Variants in NEBL observed in about 807,000 individuals in gnomAD.
NEBL encodes nebulette.
In NEBL, 122 loss-of-function variants were observed where a neutral mutation model predicts 140.2. The ratio of observed to expected loss-of-function variants is 0.87; its 90% confidence interval spans 0.75 to 1.01. The LOEUF is 1.01. Among genes scored for constraint, NEBL ranks in the 50% least tolerant of loss-of-function variants. The pLI, the probability that NEBL is intolerant of heterozygous loss-of-function variation, is 0.00. For synonymous variants in NEBL, 436 were observed against 398.9 expected, an observed-to-expected ratio of 1.09 and a Z score of -1.11; for missense variants, 1,365 against 1,231.3, an observed-to-expected ratio of 1.11 and a Z score of -1.62.
At chr10:21,259,065 C>T (rs1358515937) in intron 1 of NEBL, among the ~76,000 whole-genome samples, 3 of 147,922 alleles carry the variant, frequency 2.0e-5, no homozygotes, top group Non-Finnish European at 3.0e-5. Context: ...AAAAAAGACG[C>T]ACAGTCTTTT....
intron 2 of NEBL, among the ~76,000 whole-genome samples, chr10:21,144,021 A>G (rs995892455): frequency 3.3e-5 from 5 of 152,252 alleles, no homozygotes; most frequent in African/African-American, 1.2e-4. Context: ...CAAGGAGAGA[A>G]GGATTTTTGC....
intron 20 of NEBL, 83 bp downstream of exon 20, chr10:20,819,341 G>C (rs1839045474): frequency 6.3e-7 from 1 of 1,591,968 alleles, no homozygotes. Context: ...GTTTGCTAAG[G>C]ATAATGGCCT....
chr10:20,947,070 T>C (rs549147003), intron 4 of NEBL, among the ~76,000 whole-genome samples: 1 of 152,192 alleles, frequency 6.6e-6, no homozygotes, highest in Non-Finnish European at 1.5e-5. Flanking sequence ...GCTGATGATA[T>C]CTGAAGGATT....
intron 3 of NEBL, among the ~76,000 whole-genome samples, chr10:21,238,204 T>C (rs1281746610): frequency 2.6e-5 from 4 of 152,102 alleles, no homozygotes; most frequent in African/African-American, 7.2e-5. Context: ...TCAACAACAG[T>C]TGGGAGAAAG....
intron 26 of NEBL, chr10:20,804,432 TC>T (rs1837423002): frequency 2.0e-5 from 3 of 152,172 alleles, no homozygotes; most frequent in African/African-American, 7.2e-5. Flanking sequence ...ACACAAAGGT[TC>T]ACATGACTAA....
intron 2 of NEBL, among the ~76,000 whole-genome samples, chr10:21,072,317 C>A (rs1274366468): frequency 6.6e-6 from 1 of 152,118 alleles, no homozygotes; most frequent in Non-Finnish European, 1.5e-5. Flanking sequence ...GGATTTAGGG[C>A]CCACCCAAAG....
At chr10:21,056,920 A>T (rs1006012495) in intron 2 of NEBL, among the ~76,000 whole-genome samples, 16 of 152,194 alleles carry the variant, frequency 1.1e-4, no homozygotes, top group African/African-American at 3.9e-4. Flanking sequence ...TTAAGCTCGG[A>T]GTCAAAGACA....
chr10:20,819,311 G>C, intron 20 of NEBL, 113 bp downstream of exon 20: 3 of 1,508,324 alleles, frequency 2.0e-6, no homozygotes, highest in Non-Finnish European at 1.8e-6. Context: ...TGCAGTATTT[G>C]GTTTTACGTT....
At chr10:21,145,885 C>T (rs958435898) in intron 2 of NEBL, among the ~76,000 whole-genome samples, 5 of 152,166 alleles carry the variant, frequency 3.3e-5, no homozygotes, top group Non-Finnish European at 5.9e-5. Flanking sequence ...CAGCAAAGCC[C>T]TCCATTAGGT....
At position 21,087,030 on chromosome 10, in the gene NEBL, C is replaced by T. The variant is rs74898268; in HGVS notation, c.165-66829G>A. ...CCAAGGGATGTCTCTTAACCTACCA[C>T]CCTCCCTCACCAAGAATTTGCCTCT... is the stretch of plus-strand genomic sequence containing the variant. On this transcript the variant is annotated intron_variant, in intron 2 of 6. Transcript: ENST00000417816. 4.6e-3 allele frequency among the ~76,000 whole-genome samples: 702 copies of T among 152,270 alleles called. 19 individuals are homozygous for T. Among genetic ancestry groups the T allele is most frequent in the East Asian group, 0.013 (66 of 5,178 alleles).
chr10:21,138,675 C>A (rs1331641085), intron 2 of NEBL, among the ~76,000 whole-genome samples: 1 of 152,100 alleles, frequency 6.6e-6, no homozygotes, highest in East Asian at 1.9e-4. Flanking sequence ...CTCATGACAA[C>A]CCTGCAAGGT....
chr10:20,845,759 C>A (rs1208605351), intron 11 of NEBL, among the ~76,000 whole-genome samples: 1 of 152,140 alleles, frequency 6.6e-6, no homozygotes, highest in Non-Finnish European at 1.5e-5. Flanking sequence ...GCCATTCAAA[C>A]CACCTTCAAA....
intron 2 of NEBL, among the ~76,000 whole-genome samples, chr10:21,144,994 G>A (rs1839827181): frequency 1.3e-5 from 2 of 148,198 alleles, no homozygotes; most frequent in Admixed American, 1.3e-4. Flanking sequence ...GCACAAAAAA[G>A]GGGTAGATAA....
intron 3 of NEBL, among the ~76,000 whole-genome samples, chr10:21,192,523 G>A (rs560622953): frequency 6.6e-6 from 1 of 150,602 alleles, no homozygotes; most frequent in South Asian, 2.1e-4. Flanking sequence ...GCCAGTCATT[G>A]TGATAAACAT....
At chr10:21,223,617 A>G (rs375351650) in intron 3 of NEBL, among the ~76,000 whole-genome samples, 15 of 152,106 alleles carry the variant, frequency 9.9e-5, no homozygotes, top group African/African-American at 3.6e-4. Flanking sequence ...TTTTTGAGGA[A>G]CCTCCAATTG....
intron 2 of NEBL, among the ~76,000 whole-genome samples, chr10:21,079,933 A>G (rs1836289669): frequency 6.6e-6 from 1 of 152,214 alleles, no homozygotes; most frequent in Non-Finnish European, 1.5e-5. Context: ...ACAATGACCA[A>G]TATAGAATCC....
intron 3 of NEBL, among the ~76,000 whole-genome samples, chr10:20,969,122 A>G (rs1836454985): frequency 6.6e-6 from 1 of 152,190 alleles, no homozygotes. Flanking sequence ...TAATCTCACA[A>G]TGTTAGACGG....
intron 2 of NEBL, among the ~76,000 whole-genome samples, chr10:21,066,971 C>CTTTT (rs56352671): frequency 0.065 from 7,352 of 112,740 alleles, 548 homozygotes; most frequent in East Asian, 0.17. Flanking sequence ...AATAATTTAA[C>CTTTT]TTTTTTTTTT....
intron 4 of NEBL, among the ~76,000 whole-genome samples, chr10:20,945,540 T>C (rs1347465881): frequency 3.3e-5 from 5 of 152,096 alleles, no homozygotes; most frequent in East Asian, 1.9e-4. Context: ...TCTGGAAAAA[T>C]GCAAAGCCTT....
Sources: gnomAD v4.1 joint callset for allele counts (sites outside exome capture counted in the v4.1 genomes callset) on GRCh38, gnomAD v4.1.1 for gene constraint, MANE v1.5 for transcripts, NCBI Gene and HGNC (gene_info 2026-07-23, HGNC 2026-07-21) for gene names.